JARID2: variants seen among roughly 807,000 people sequenced by gnomAD.
The protein encoded by JARID2 is jumonji and AT-rich interaction domain containing 2.
Under a neutral mutation model 125.6 loss-of-function variants are expected in JARID2, and 21 were observed. The ratio of observed to expected loss-of-function variants is 0.17; its 90% CI spans 0.12 to 0.24. The LOEUF is 0.24. JARID2 is among the 10% of genes least tolerant of loss of function. The pLI, the probability that JARID2 is intolerant of heterozygous loss-of-function variation, is 1.00. For synonymous variants in JARID2, 736 were observed against 661.6 expected (o/e 1.11, Z -1.73); for missense variants, 1,303 against 1,639.6 (o/e 0.79, Z 3.55).
At chr6:15,281,924 CTGTGTGTGTGTGTGTGTG>C (rs3138771) in intron 1 of JARID2, among the ~76,000 whole-genome samples, 23 of 146,264 alleles carry the variant, frequency 1.6e-4, no homozygotes, top group South Asian at 4.4e-4. Flanking sequence ...GGTATGTGCT[CTGTGTGTGTGTGTGTGTG>C]TGTGTGTGTG....
intron 1 of JARID2, among the ~76,000 whole-genome samples, chr6:15,299,890 T>C (rs1678618418): frequency 6.6e-6 from 1 of 152,168 alleles, no homozygotes; most frequent in Non-Finnish European, 1.5e-5. Context: ...TCTCGTACTT[T>C]ACCCACTGTC....
chr6:15,452,303 G>C, intron 4 of JARID2, 128 bp downstream of exon 4: 9 of 1,353,736 alleles, frequency 6.6e-6, no homozygotes, highest in Non-Finnish European at 6.8e-6. Context: ...GGTTGAGGGG[G>C]AATTGAAAGT....
At chr6:15,442,548 G>A (rs1160786283) in intron 3 of JARID2, among the ~76,000 whole-genome samples, 3 of 152,170 alleles carry the variant, frequency 2.0e-5, no homozygotes, top group Non-Finnish European at 2.9e-5. Flanking sequence ...AGTCTTTGAC[G>A]AGAAGAGTAT....
At chr6:15,341,342 A>C (rs1763065466) in intron 1 of JARID2, among the ~76,000 whole-genome samples, 1 of 152,108 alleles carries the variant, frequency 6.6e-6, no homozygotes, top group Non-Finnish European at 1.5e-5. Flanking sequence ...TCTTATGTAT[A>C]CTTATGATTT....
At chr6:15,478,401 C>G (rs1329670939) in intron 5 of JARID2, among the ~76,000 whole-genome samples, 1 of 152,178 alleles carries the variant, frequency 6.6e-6, no homozygotes, top group East Asian at 1.9e-4. Flanking sequence ...ATGCAGAACC[C>G]ACAGATAGAG....
At chr6:15,508,527 G>GT in intron 12 of JARID2, 73 bp downstream of exon 12, 1 of 826,342 alleles carries the variant, frequency 1.2e-6, no homozygotes, top group South Asian at 1.4e-5. Context: ...GGGCCTGTGG[G>GT]TAACTTCTTG....
chr6:15,456,878 C>CTTTTTT (rs71535043), intron 4 of JARID2, among the ~76,000 whole-genome samples: 12,146 of 95,318 alleles, frequency 0.13, 1,358 homozygotes, highest in East Asian at 0.27. Flanking sequence ...GGATGTTAAG[C>CTTTTTT]TTTTTTTTTT....
chr6:15,321,981 C>T (rs918354395), intron 1 of JARID2, among the ~76,000 whole-genome samples: 14 of 151,704 alleles, frequency 9.2e-5, no homozygotes, highest in African/African-American at 1.5e-4. Flanking sequence ...TTACTAGAGA[C>T]GGGGTTTCAC....
At chr6:15,468,837 G>A in intron 5 of JARID2, 119 bp downstream of exon 5, 1 of 932,188 alleles carries the variant, frequency 1.1e-6, no homozygotes, top group Non-Finnish European at 1.6e-6. Context: ...TACTTCTCCA[G>A]GGCCAGACAC....
chr6:15,416,629 A>G (rs1434959516), intron 3 of JARID2, among the ~76,000 whole-genome samples: 1 of 148,862 alleles, frequency 6.7e-6, no homozygotes, highest in Admixed American at 6.7e-5. Context: ...GTGAGCCGAG[A>G]TGGCAGCAGT....
At chr6:15,353,603 G>A (rs1263199432) in intron 1 of JARID2, among the ~76,000 whole-genome samples, 1 of 152,006 alleles carries the variant, frequency 6.6e-6, no homozygotes, top group Non-Finnish European at 1.5e-5. Flanking sequence ...TGGCTCAGAA[G>A]TTAGGAGCCT....
chr6:15,258,737 G>A (rs972222537), intron 1 of JARID2, among the ~76,000 whole-genome samples: 2 of 152,168 alleles, frequency 1.3e-5, no homozygotes, highest in Admixed American at 1.3e-4. Context: ...AGCCGAGATT[G>A]CGCCACTGCA....
At chr6:15,465,048 C>A (rs761379847) in intron 4 of JARID2, among the ~76,000 whole-genome samples, 1 of 152,170 alleles carries the variant, frequency 6.6e-6, no homozygotes, top group South Asian at 2.1e-4. Flanking sequence ...ATTTTAGCCC[C>A]TCACTTTCTT....
At chr6:15,251,451 C>G (rs538264673) in intron 1 of JARID2, among the ~76,000 whole-genome samples, 1 of 152,338 alleles carries the variant, frequency 6.6e-6, no homozygotes, top group Non-Finnish European at 1.5e-5. Context: ...CCCAGGATTA[C>G]AGTAGTAGCA....
intron 1 of JARID2, among the ~76,000 whole-genome samples, chr6:15,342,105 C>T (rs1039573642): frequency 9.2e-5 from 14 of 152,056 alleles, no homozygotes; most frequent in Non-Finnish European, 1.5e-5. Context: ...GGTAAAACAT[C>T]GAGAAACAAA....
intron 1 of JARID2, among the ~76,000 whole-genome samples, chr6:15,327,856 C>A (rs974448462): frequency 6.6e-6 from 1 of 152,132 alleles, no homozygotes; most frequent in African/African-American, 2.4e-5. Context: ...AATGTTATGT[C>A]TTTTGTGAAG....
chr6:15,439,031 CAA>C (rs754404770), intron 3 of JARID2, among the ~76,000 whole-genome samples: 23 of 85,752 alleles, frequency 2.7e-4, no homozygotes, highest in Admixed American at 7.5e-4. Flanking sequence ...GACTCTGTCT[CAA>C]AAAAAAAAAA....
intron 1 of JARID2, among the ~76,000 whole-genome samples, chr6:15,277,936 G>A (rs1760597714): frequency 1.3e-5 from 2 of 152,060 alleles, no homozygotes; most frequent in Admixed American, 6.6e-5. Context: ...AACAGTGTAA[G>A]GGAAAAACCC....
chr6:15,258,432 C>G (rs1251730225), intron 1 of JARID2, among the ~76,000 whole-genome samples: 1 of 152,110 alleles, frequency 6.6e-6, no homozygotes, highest in Non-Finnish European at 1.5e-5. Flanking sequence ...CATTATTGGC[C>G]TCTCAAGGTC....
Sources: allele counts gnomAD v4.1 joint callset (sites outside exome capture counted in the v4.1 genomes callset), GRCh38; gene constraint gnomAD v4.1.1; transcripts MANE v1.5; gene names NCBI Gene and HGNC (gene_info 2026-07-23, HGNC 2026-07-21).